The following TRAK2 variants were observed in gnomAD, a reference collection of about 807,000 sequenced individuals.
The protein encoded by TRAK2 is trafficking kinesin protein 2.
A neutral mutation model predicts 104.6 loss-of-function variants in TRAK2; 81 were observed. That is an observed-to-expected ratio of 0.77 (90% CI 0.65 to 0.93). TRAK2 has a LOEUF of 0.93. Ranked by LOEUF, TRAK2 falls within the 40% of genes least tolerant of loss-of-function variation. TRAK2 has a pLI of 0.00. For synonymous variants in TRAK2, 406 were observed against 394.4 expected, an observed-to-expected ratio of 1.03 and a Z score of -0.35; for missense variants, 1,002 against 1,089.0, an observed-to-expected ratio of 0.92 and a Z score of 1.12.
At chr2:201,411,114 G>A (rs1951642826) in intron 2 of TRAK2, 2 of 934,724 alleles carry the variant, frequency 2.1e-6, no homozygotes, top group East Asian at 2.4e-5. Flanking sequence ...TGAAGCAGAA[G>A]GTTTAGGGGT....
chr2:201,411,164 C>T (rs1299873052), intron 2 of TRAK2: 1 of 756,204 alleles, frequency 1.3e-6, no homozygotes, highest in African/African-American at 1.7e-5. Flanking sequence ...TATTATCCAT[C>T]AATGTGTCTG....
At chr2:201,382,110 G>T (rs941800879) in intron 15 of TRAK2, among the ~76,000 whole-genome samples, 1 of 151,980 alleles carries the variant, frequency 6.6e-6, no homozygotes, top group South Asian at 2.1e-4. Context: ...TCCATGCCTC[G>T]GTTTACTTTA....
chr2:201,383,940 C>CT (rs141268057), intron 15 of TRAK2, among the ~76,000 whole-genome samples, 171 bp downstream of exon 15: 1,762 of 152,240 alleles, frequency 0.012, 52 homozygotes, highest in African/African-American at 0.04. Flanking sequence ...GCCCTGCCTA[C>CT]TTTTTTAATA....
intron 10 of TRAK2, among the ~76,000 whole-genome samples, chr2:201,392,431 GT>G (rs1038656849): frequency 3.3e-5 from 5 of 151,998 alleles, no homozygotes; most frequent in Non-Finnish European, 7.4e-5. Flanking sequence ...AAACTCAGAA[GT>G]TTTTATTAAT....
At chr2:201,439,506 G>GA (rs1951902981) in intron 1 of TRAK2, among the ~76,000 whole-genome samples, 1 of 149,476 alleles carries the variant, frequency 6.7e-6, no homozygotes, top group Non-Finnish European at 1.5e-5. Context: ...GCCATGGGAG[G>GA]AAAAAAAAAG....
At chr2:201,393,722 G>A (rs972797084) in intron 9 of TRAK2, among the ~76,000 whole-genome samples, 16 of 152,084 alleles carry the variant, frequency 1.1e-4, no homozygotes, top group Non-Finnish European at 2.2e-4. Flanking sequence ...CCTGGAAATC[G>A]CCATTTAAAA....
chr2:201,450,085 A>G (rs1161411724), intron 1 of TRAK2, among the ~76,000 whole-genome samples: 1 of 152,086 alleles, frequency 6.6e-6, no homozygotes, highest in Non-Finnish European at 1.5e-5. Flanking sequence ...GTGCTTGCTA[A>G]ATGTCTGAGA....
chr2:201,440,981 C>T (rs1191341720), intron 1 of TRAK2, among the ~76,000 whole-genome samples: 2 of 152,184 alleles, frequency 1.3e-5, no homozygotes, highest in African/African-American at 4.8e-5. Flanking sequence ...CTAACAGCAA[C>T]TGACACACAG....
chr2:201,429,132 T>C (rs576238026), intron 1 of TRAK2, among the ~76,000 whole-genome samples: 2 of 152,344 alleles, frequency 1.3e-5, no homozygotes, highest in Middle Eastern at 3.4e-3. Context: ...GTTTGACTTC[T>C]TCTTTTCCTA....
Position 201,378,079 on chromosome 2 carries a change from G to A in TRAK2, c.*2464C>T, listed in dbSNP as rs1482158975. 6.6e-6 allele frequency: 1 copy of A among 152,074 alleles called. No homozygotes were observed. Among genetic ancestry groups the A allele is most frequent in the East Asian group, 1.9e-4 (1 of 5,192 alleles). 9.4% of individuals were successfully genotyped at this position (152,074 alleles called of 1,614,324 possible). A position where few individuals can be genotyped will look rare whatever the true frequency, so the allele number is the denominator to read the frequency against. The stretch of plus-strand genomic sequence containing the variant: ...GAGATTATCAGGATATACCAAAAAT[G>A]ATTTTAGGTAGAAACTTCAAAAAAC... On this transcript the variant is annotated 3_prime_UTR_variant, in exon 16 of 16. Transcript: ENST00000332624.
chr2:201,424,495 A>G (rs1323728533), intron 1 of TRAK2, among the ~76,000 whole-genome samples: 1 of 152,194 alleles, frequency 6.6e-6, no homozygotes, highest in Non-Finnish European at 1.5e-5. Flanking sequence ...ACTGGCCACT[A>G]GTTTATAACT....
intron 4 of TRAK2, 98 bp from the exon 5 acceptor site, chr2:201,399,591 G>A (rs907824995): frequency 5.6e-5 from 45 of 805,972 alleles, no homozygotes; most frequent in Non-Finnish European, 6.7e-5. Context: ...CAAAAGCAAC[G>A]TCCTAGAAAG....
chr2:201,407,506 G>A lies in TRAK2; in HGVS notation c.183C>T (p.Leu61=). The A allele has an allele frequency of 1.2e-6, 2 of 1,614,132 alleles. No individual in the cohort carries two copies. Among genetic ancestry groups the A allele is most frequent in the Non-Finnish European group, 1.7e-6 (2 of 1,179,994 alleles). The change falls in exon 3 of 16, where the codon CTC becomes CTT. Residue 61 remains leucine (L), a synonymous_variant. Coordinates refer to ENST00000332624, the MANE Select transcript of TRAK2 (RefSeq NM_015049.3). The part of the protein sequence containing the change: ...LPQYRLKVDT[L]FLYENQDWTQ... ...TCCAGTCTTGATTTTCATATAGAAA[G>A]AGAGTGTCTACTTTTAGCCTATACT...
intron 6 of TRAK2, chr2:201,397,894 T>C: frequency 1.8e-6 from 1 of 561,380 alleles, no homozygotes; most frequent in Non-Finnish European, 3.2e-6. Flanking sequence ...CTTAGTTACT[T>C]GCGTAAACTC....
chr2:201,411,127 T>G lies in TRAK2; in HGVS notation c.92-3530A>C, dbSNP rs977225444. 4.6e-6 allele frequency: 4 copies of G among 862,656 alleles called. No homozygotes were observed. The African/African-American group carries it at 6.7e-5, about 14-fold the overall frequency. The allele number at this position is 862,656 out of a possible 1,614,324, so 53.4% of individuals were successfully genotyped here. A position where few individuals can be genotyped will look rare whatever the true frequency, so the allele number is the denominator to read the frequency against. On this transcript the variant is annotated intron_variant, in intron 2 of 15. Transcript: ENST00000332624. Reference sequence around the variant, plus strand: ...CTTGAAGCAGAAGGTTTAGGGGTACTAACAGAAAGGCTAGTCAAAGATGAC... The same window carrying G: ...CTTGAAGCAGAAGGTTTAGGGGTACGAACAGAAAGGCTAGTCAAAGATGAC...
chr2:201,444,798 A>G (rs1457050527), intron 1 of TRAK2, among the ~76,000 whole-genome samples: 1 of 151,964 alleles, frequency 6.6e-6, no homozygotes, highest in African/African-American at 2.4e-5. Flanking sequence ...GCTGATCAGA[A>G]GAGGAATATA....
chr2:201,424,904 G>A (rs989437752), intron 1 of TRAK2, among the ~76,000 whole-genome samples: 27 of 152,100 alleles, frequency 1.8e-4, no homozygotes, highest in African/African-American at 5.8e-4. Context: ...ACTGCGCCCG[G>A]CCTGCCACCT....
At chr2:201,443,036 T>C (rs1951937933) in intron 1 of TRAK2, among the ~76,000 whole-genome samples, 1 of 152,326 alleles carries the variant, frequency 6.6e-6, no homozygotes. Flanking sequence ...CAGTTTCACC[T>C]TCTTCTTTGG....
chr2:201,402,040 C>G (rs1165015919), intron 3 of TRAK2, among the ~76,000 whole-genome samples: 2 of 151,992 alleles, frequency 1.3e-5, no homozygotes, highest in African/African-American at 4.8e-5. Flanking sequence ...GTCACTTAAC[C>G]CTTCTGAGAT....
Sources: gnomAD v4.1 joint callset for allele counts (sites outside exome capture counted in the v4.1 genomes callset) on GRCh38, gnomAD v4.1.1 for gene constraint, MANE v1.5 for transcripts, NCBI Gene and HGNC (gene_info 2026-07-23, HGNC 2026-07-21) for gene names.